SUSD5: variants seen among roughly 807,000 people sequenced by gnomAD.
SUSD5 encodes the protein sushi domain containing 5, also known as sushi domain-containing protein 5.
A neutral mutation model predicts 29.5 loss-of-function variants in SUSD5; 33 were observed. That is an observed-to-expected ratio of 1.12 (90% CI 0.85 to 1.49). The LOEUF is 1.49. Ranked by LOEUF, SUSD5 falls within the 40% of genes most tolerant of loss-of-function variation. The probability of loss-of-function intolerance (pLI) is 0.00; values close to 1 mark genes in which losing one functional copy is unlikely to be tolerated. For missense variants in SUSD5, 776 were observed against 800.6 expected (o/e 0.97, Z 0.37); for synonymous variants, 308 against 325.3 (o/e 0.95, Z 0.57).
At chr3:33,208,231 C>T (rs2125632583) in intron 2 of SUSD5, among the ~76,000 whole-genome samples, 1 of 151,930 alleles carries the variant, frequency 6.6e-6, no homozygotes, top group South Asian at 2.1e-4. Context: ...TCTTATTTTG[C>T]TGTTCTTCAA....
chr3:33,212,307 G>A (rs867297592), intron 2 of SUSD5, among the ~76,000 whole-genome samples: 2 of 152,138 alleles, frequency 1.3e-5, no homozygotes, highest in Non-Finnish European at 2.9e-5. Context: ...GAAGCCAGAG[G>A]ACTGCCTGAG....
intron 3 of SUSD5, among the ~76,000 whole-genome samples, chr3:33,203,285 CTGAG>C (rs1346245281): frequency 6.6e-6 from 1 of 151,936 alleles, no homozygotes; most frequent in Non-Finnish European, 1.5e-5. Flanking sequence ...AGAACTCTCT[CTGAG>C]TAACTGTGGG....
intron 3 of SUSD5, among the ~76,000 whole-genome samples, chr3:33,191,758 C>A (rs1428658246): frequency 6.6e-6 from 1 of 151,924 alleles, no homozygotes; most frequent in African/African-American, 2.4e-5. Context: ...GCAGCTTGGG[C>A]AATATAGCGA....
At chr3:33,189,594 T>C (rs2031850891) in intron 3 of SUSD5, among the ~76,000 whole-genome samples, 1 of 152,164 alleles carries the variant, frequency 6.6e-6, no homozygotes, top group African/African-American at 2.4e-5. Flanking sequence ...AATTTTTCCT[T>C]TACCCTCACC....
chr3:33,183,020 C>A (rs898515172), intron 3 of SUSD5, among the ~76,000 whole-genome samples: 1 of 151,800 alleles, frequency 6.6e-6, no homozygotes, highest in Admixed American at 6.6e-5. Context: ...TGGTCTCGAT[C>A]TCCTGACCTC....
At chr3:33,201,722 T>C (rs1277423736) in intron 3 of SUSD5, among the ~76,000 whole-genome samples, 1 of 152,140 alleles carries the variant, frequency 6.6e-6, no homozygotes, top group East Asian at 1.9e-4. Flanking sequence ...ACCCAACAGC[T>C]ACTCAAGCCC....
In SUSD5 at chr3:33,174,194, C is replaced by A. The variant is rs375328263; in HGVS notation, c.598+692G>T. On this transcript the variant is annotated intron_variant, in intron 4 of 4. Transcript: ENST00000309558. The stretch of plus-strand genomic sequence containing the variant: ...AGCAAGGCCACTGGGAAGCAGCAAG[C>A]AAGTCTCATCCGTGGGAATAGCCCT... 1.2e-4 allele frequency among the ~76,000 whole-genome samples: 19 copies of A among 152,308 alleles called. No homozygotes were observed. The East Asian group carries it at 3.3e-3, about 26-fold the overall frequency.
At chr3:33,187,382 T>C (rs1244613506) in intron 3 of SUSD5, among the ~76,000 whole-genome samples, 2 of 152,196 alleles carry the variant, frequency 1.3e-5, no homozygotes, top group South Asian at 2.1e-4. Flanking sequence ...ACATACACCA[T>C]ATGTTTCTGG....
At chr3:33,195,772 A>T (rs551710869) in intron 3 of SUSD5, among the ~76,000 whole-genome samples, 6 of 149,948 alleles carry the variant, frequency 4.0e-5, no homozygotes, top group African/African-American at 1.5e-4. Context: ...ATGCAATCTT[A>T]TATGTTGTTC....
At chr3:33,174,786 C>A (rs1262370507) in intron 4 of SUSD5, 100 bp downstream of exon 4, 3 of 1,413,198 alleles carry the variant, frequency 2.1e-6, no homozygotes, top group East Asian at 2.3e-5. Flanking sequence ...TTCAAAGGCA[C>A]CTTGGTGGAG....
intron 4 of SUSD5, among the ~76,000 whole-genome samples, chr3:33,169,585 A>C (rs1017016144): frequency 2.6e-5 from 4 of 152,210 alleles, no homozygotes; most frequent in African/African-American, 9.6e-5. Flanking sequence ...GTTGTTGAAA[A>C]AGCAGGCCCA....
chr3:33,152,594 A>G lies in SUSD5; in HGVS notation c.*148T>C. 1.2e-6 allele frequency: 1 copy of G among 861,274 alleles called. No individual in the cohort carries two copies. The allele number at this position is 861,274 out of a possible 1,614,324, so 53.4% of individuals were successfully genotyped here. A position where few individuals can be genotyped will look rare whatever the true frequency, so the allele number is the denominator to read the frequency against. On this transcript the variant is annotated 3_prime_UTR_variant, in exon 5 of 5. Coordinates refer to ENST00000309558, the MANE Select transcript of SUSD5 (RefSeq NM_015551.2). ...GCCTCCCTGCCCTCCCAGGTGCTCC[A>G]GAGACACTTCTCAGCCTATAAAACA...
intron 4 of SUSD5, among the ~76,000 whole-genome samples, chr3:33,170,439 G>A (rs2031399924): frequency 2.0e-5 from 3 of 152,200 alleles, no homozygotes; most frequent in Admixed American, 2.0e-4. Context: ...GGAGAAAATG[G>A]CAGTTAAATA....
At position 33,186,681 on chromosome 3, in the gene SUSD5, T is replaced by A. The variant is rs142983040; in HGVS notation, c.410-11607A>T. 6.9e-4 allele frequency among the ~76,000 whole-genome samples: 105 copies of A among 152,274 alleles called. 2 individuals are homozygous for A. The highest frequency in any genetic ancestry group is 2.3e-3 in the African/African-American group (97 of 41,564). On this transcript the variant is annotated intron_variant, in intron 3 of 4. Transcript: ENST00000309558. ...ACCTCGTGACCTGCCCGCCTCGGCC[T>A]CCCAAAGTCCTGGGATTACAGGTGT... is the stretch of plus-strand genomic sequence containing the variant.
intron 3 of SUSD5, chr3:33,190,170 G>T (rs1167051188): frequency 6.5e-6 from 1 of 153,276 alleles, no homozygotes; most frequent in Non-Finnish European, 1.5e-5. Context: ...TTAAATTATG[G>T]TACACATAAA....
intron 4 of SUSD5, among the ~76,000 whole-genome samples, chr3:33,173,149 C>G (rs897644178): frequency 1.3e-5 from 2 of 152,212 alleles, no homozygotes; most frequent in Non-Finnish European, 2.9e-5. Flanking sequence ...GTGATAAGTG[C>G]TTGACCTCAC....
chr3:33,157,584 A>G (rs1047888009), intron 4 of SUSD5, among the ~76,000 whole-genome samples: 2 of 152,208 alleles, frequency 1.3e-5, no homozygotes, highest in African/African-American at 4.8e-5. Context: ...CCCTGCATCA[A>G]GTCCTTTTGC....
rs1432278333 is a variant in SUSD5 at position 33,218,749 on chromosome 3, G to A, written c.49C>T (p.Pro17Ser). Residue 17 changes from proline (P) to serine (S), a missense_variant, in exon 1 of 5, where the codon CCC becomes TCC. By Grantham distance (74) the Pro-to-Ser change is moderately conservative. Transcript: ENST00000309558. Reference protein sequence around the residue: ...SPPARWHRRLPGLWAAALLLL... With the variant: ...SPPARWHRRLSGLWAAALLLL... The stretch of plus-strand genomic sequence containing the variant: ...AGCAGCGCCGCCGCCCAGAGCCCGG[G>A]GAGGCGTCTGTGCCAACGGGCAGGC... 5.7e-6 allele frequency: 8 copies of A among 1,395,268 alleles called. No homozygotes were observed. The highest frequency in any genetic ancestry group is 7.4e-6 in the Non-Finnish European group (8 of 1,081,464). 86.4% of individuals were successfully genotyped at this position (1,395,268 alleles called of 1,614,324 possible). A position where few individuals can be genotyped will look rare whatever the true frequency, so the allele number is the denominator to read the frequency against.
chr3:33,153,991 T>G lies in SUSD5; in HGVS notation c.641A>C (p.Asp214Ala). The G allele has an allele frequency of 6.2e-7, 1 of 1,605,218 alleles. No individual in the cohort carries two copies. The highest frequency in any genetic ancestry group is 8.5e-7 in the Non-Finnish European group (1 of 1,177,618). ...CTCTCTGAATGACACAGATCTGTCA[T>G]CAGGGAAGTTATCTTCATAGTCAAT... ...AHIDYEDNFP[D>A]DRSVSFRELM... The change falls in exon 5 of 5, where the codon GAT (aspartate) becomes GCT (alanine). Residue 214 changes from aspartate to alanine, a missense_variant. Transcript: ENST00000309558.
Sources: gnomAD v4.1 joint callset for allele counts (sites outside exome capture counted in the v4.1 genomes callset) on GRCh38, gnomAD v4.1.1 for gene constraint, MANE v1.5 for transcripts, NCBI Gene and HGNC (gene_info 2026-07-23, HGNC 2026-07-21) for gene names.